RAB37: variants seen among roughly 807,000 people sequenced by gnomAD.
RAB37 encodes the protein ras-related protein Rab-37.
A neutral mutation model predicts 33.1 loss-of-function variants in RAB37; 29 were observed. The observed-to-expected ratio is 0.88, with a 90% CI of 0.65 to 1.20. RAB37 has a LOEUF of 1.20. RAB37 is among the 50% of genes most tolerant of loss of function. The pLI is 0.00. For synonymous variants in RAB37, 128 were observed against 119.5 expected, an observed-to-expected ratio of 1.07 and a Z score of -0.47; for missense variants, 299 against 301.1, an observed-to-expected ratio of 0.99 and a Z score of 0.05.
chr17:74,682,859 G>A (rs2031982221), intron 1 of RAB37, among the ~76,000 whole-genome samples: 1 of 152,100 alleles, frequency 6.6e-6, no homozygotes, highest in African/African-American at 2.4e-5. Context: ...AGCCGAGATT[G>A]CACCATTGCA....
chr17:74,672,412 C>G (rs974290651), intron 1 of RAB37, among the ~76,000 whole-genome samples: 3 of 152,142 alleles, frequency 2.0e-5, no homozygotes, highest in African/African-American at 7.2e-5. Flanking sequence ...CTGCTCCAGC[C>G]CCTATATTTT....
rs112855249 is a variant in RAB37, at chr17:74,741,161, C to T, written c.204+283C>T. Among the ~76,000 whole-genome samples the T allele has an allele frequency of 8.5e-5, 13 of 152,206 alleles. 1 individual carries two copies. The South Asian group carries it at 2.1e-3, about 24-fold the overall frequency. On this transcript the variant is annotated intron_variant, in intron 2 of 8. Transcript: ENST00000392613. ...CTCCCAAGCAGAGCAGCCGCAGGCA[C>T]GGCATAAGCTGAATATCTTGGCCCA...
rs546996290 is a variant in RAB37, at chr17:74,674,449, G to A, written c.72+2791G>A. ...AAACACCACTTTGGGAAGCTGAGGCGGGCAGATCTCTTGAGGTCAGGAGTT... is the reference window on the plus strand; with the variant it reads ...AAACACCACTTTGGGAAGCTGAGGCAGGCAGATCTCTTGAGGTCAGGAGTT... On this transcript the variant is annotated intron_variant, in intron 1 of 7. Transcript: ENST00000340415. 4.6e-5 allele frequency among the ~76,000 whole-genome samples: 7 copies of A among 151,394 alleles called. No individual in the cohort carries two copies. The South Asian group carries it at 6.3e-4, about 14-fold the overall frequency.
At chr17:74,717,104 C>T (rs567489085) in intron 1 of RAB37, among the ~76,000 whole-genome samples, 13 of 152,306 alleles carry the variant, frequency 8.5e-5, no homozygotes, top group Admixed American at 7.2e-4. Flanking sequence ...CATTGCATTC[C>T]AGCCTGGGCA....
intron 2 of RAB37, among the ~76,000 whole-genome samples, chr17:74,731,647 C>T (rs1598313901): frequency 1.3e-5 from 2 of 152,166 alleles, no homozygotes; most frequent in African/African-American, 4.8e-5. Context: ...TCCTTGTTAC[C>T]TCTCTCCTCA....
chr17:74,728,399 A>G (rs1392654839), intron 1 of RAB37, among the ~76,000 whole-genome samples: 1 of 150,086 alleles, frequency 6.7e-6, no homozygotes, highest in Non-Finnish European at 1.5e-5. Flanking sequence ...ATCTGTGTGC[A>G]TGTGTGTGTT....
intron 1 of RAB37, among the ~76,000 whole-genome samples, chr17:74,688,062 G>A (rs1478752415): frequency 2.0e-5 from 3 of 152,112 alleles, no homozygotes; most frequent in Admixed American, 1.3e-4. Context: ...AACTTATTAG[G>A]TCAACCAATA....
chr17:74,695,295 TGACGGTCACGGGGCAGAG>T (rs1324138577), intron 1 of RAB37: 1 of 1,608,826 alleles, frequency 6.2e-7, no homozygotes, highest in African/African-American at 1.3e-5. Context: ...CGGCAGGAAG[TGACGGTCACGGGGCAGAG>T]GAGCCCTCGG....
intron 1 of RAB37, among the ~76,000 whole-genome samples, chr17:74,692,643 C>G (rs2052646860): frequency 6.6e-6 from 1 of 152,098 alleles, no homozygotes; most frequent in African/African-American, 2.4e-5. Flanking sequence ...TCCCTACAAT[C>G]CCCCCATCCA....
Position 74,676,196 on chromosome 17 carries a change from G to A in RAB37, c.72+4538G>A, listed in dbSNP as rs2031828767. Among the ~76,000 whole-genome samples the A allele has an allele frequency of 6.6e-6, 1 of 152,064 alleles. No homozygotes were observed. The highest frequency in any genetic ancestry group is 6.6e-5 in the Admixed American group (1 of 15,262). On this transcript the variant is annotated intron_variant, in intron 1 of 7. Transcript: ENST00000340415. The surrounding 1 kb of genome is among the most constrained non-coding windows in gnomAD (Gnocchi z 4.1). Reference sequence around the variant, plus strand: ...GGGCAAGCTTTTGCCCCAGATACCAGTGAATTAGGACAAAAGGGCTTCAGT... The same window carrying A: ...GGGCAAGCTTTTGCCCCAGATACCAATGAATTAGGACAAAAGGGCTTCAGT...
chr17:74,689,443 G>GA (rs970805685), intron 1 of RAB37, among the ~76,000 whole-genome samples: 5 of 148,466 alleles, frequency 3.4e-5, no homozygotes, highest in African/African-American at 1.2e-4. Context: ...ACTCTGTCTG[G>GA]AAAAAAAAAG....
intron 1 of RAB37, among the ~76,000 whole-genome samples, chr17:74,693,429 G>C (rs1342441663): frequency 1.9e-4 from 29 of 152,302 alleles, no homozygotes; most frequent in Non-Finnish European, 1.5e-5. Flanking sequence ...TATAAGCAGG[G>C]AGTAATCAGG....
intron 1 of RAB37, chr17:74,698,407 G>A: frequency 4.3e-6 from 7 of 1,613,988 alleles, no homozygotes; most frequent in Non-Finnish European, 5.9e-6. Context: ...AGCCAAGAGT[G>A]AGGCGGCCAC....
chr17:74,719,092 A>G (rs2034205757), intron 1 of RAB37, among the ~76,000 whole-genome samples: 1 of 152,214 alleles, frequency 6.6e-6, no homozygotes, highest in Admixed American at 6.5e-5. Flanking sequence ...ATTTTATAAA[A>G]AAGAGAGACA....
intron 1 of RAB37, among the ~76,000 whole-genome samples, chr17:74,679,247 C>T (rs1447623007): frequency 6.6e-6 from 1 of 152,132 alleles, no homozygotes; most frequent in African/African-American, 2.4e-5. Context: ...GAGCAGTACC[C>T]CTAGGGGAGA....
At chr17:74,683,612 C>A (rs2031997367) in intron 1 of RAB37, among the ~76,000 whole-genome samples, 1 of 152,190 alleles carries the variant, frequency 6.6e-6, no homozygotes, top group South Asian at 2.1e-4. Context: ...AATGTTTGTA[C>A]AAGGACCCCT....
rs767401851 is a variant in RAB37, at chr17:74,738,479, A to G, written c.93+1114A>G. On this transcript the variant is annotated intron_variant, in intron 1 of 8. Coordinates refer to ENST00000392613, the MANE Select transcript of RAB37 (RefSeq NM_001006638.3). This position sits in a 1 kb window ranked among gnomAD's most constrained non-coding sequence, Gnocchi z 5.0. ...GACTGCCTGACCTTGTTGCCCTGCA[A>G]ACCAGCTGGGTTGTTTGCCTAGGAG... Among the ~76,000 whole-genome samples, 7 of 152,152 alleles carry G rather than the reference A, an allele frequency of 4.6e-5. No individual in the cohort carries two copies. Among genetic ancestry groups the G allele is most frequent in the Non-Finnish European group, 1.0e-4 (7 of 68,014 alleles).
chr17:74,736,866 G>C, upstream of RAB37: 1 of 1,518,438 alleles, frequency 6.6e-7, no homozygotes, highest in Non-Finnish European at 8.8e-7. Context: ...GCCACCTGGG[G>C]ACAGCCCACG....
At chr17:74,687,085 C>T (rs890073369) in intron 1 of RAB37, among the ~76,000 whole-genome samples, 1 of 152,230 alleles carries the variant, frequency 6.6e-6, no homozygotes, top group Admixed American at 6.5e-5. Context: ...TCCTGTATTT[C>T]TGACCTTGGG....
Sources: allele counts gnomAD v4.1 joint callset (sites outside exome capture counted in the v4.1 genomes callset), GRCh38; gene constraint gnomAD v4.1.1; non-coding constraint Gnocchi (gnomAD v3.1); transcripts MANE v1.5; gene names NCBI Gene and HGNC (gene_info 2026-07-23, HGNC 2026-07-21).